Variants in TMEM59L observed in about 807,000 individuals in gnomAD.
TMEM59L encodes transmembrane protein 59 like.
Under a neutral mutation model 39.6 loss-of-function variants are expected in TMEM59L, and 31 were observed. That is an observed-to-expected ratio of 0.78 (90% CI 0.59 to 1.06). The LOEUF is 1.06. Ranked by LOEUF, TMEM59L falls within the 50% of genes least tolerant of loss-of-function variation. The pLI is 0.00. For synonymous variants in TMEM59L, 219 were observed against 202.9 expected, an observed-to-expected ratio of 1.08 and a Z score of -0.68; for missense variants, 441 against 451.3, an observed-to-expected ratio of 0.98 and a Z score of 0.21.
chr19:18,617,479 C>A (rs1391300282), intron 5 of TMEM59L: 1 of 466,302 alleles, frequency 2.1e-6, no homozygotes, highest in South Asian at 1.5e-5. Flanking sequence ...TCCCAGGGAT[C>A]CATGGTTCAC....
chr19:18,614,908 C>A (rs1306342550), intron 3 of TMEM59L, among the ~76,000 whole-genome samples: 1 of 152,238 alleles, frequency 6.6e-6, no homozygotes, highest in Non-Finnish European at 1.5e-5. Context: ...TTTTCCTCCA[C>A]CCCTTCCCAG....
chr19:18,619,544 C>A (rs1976470209), intron 7 of TMEM59L, among the ~76,000 whole-genome samples: 1 of 152,126 alleles, frequency 6.6e-6, no homozygotes, highest in Non-Finnish European at 1.5e-5. Flanking sequence ...GTGGCCCATG[C>A]CTGTAATCCC....
Position 18,620,442 on chromosome 19 carries a change from T to G in TMEM59L, c.935T>G (p.Met312Arg). 1 of 1,613,534 alleles carries G rather than the reference T, an allele frequency of 6.2e-7. No homozygotes were observed. The highest frequency in any genetic ancestry group is 1.1e-5 in the South Asian group (1 of 91,078). ...LTLEQHKGFM[M>R]EPDWPLYPPP... ...CTGGAGCAGCACAAGGGCTTCATGA[T>G]GGAGCCCGATTGGCCCCTGTACCCG... Residue 312 changes from methionine (M) to arginine (R), a missense_variant, in exon 8 of 8, where the codon ATG becomes AGG. Met to Arg is a moderately conservative substitution (Grantham distance 91, BLOSUM62 -1). Transcript: ENST00000262817.
Position 18,616,973 on chromosome 19 carries a change from C to G in TMEM59L, c.562-27C>G, listed in dbSNP as rs1165841347. Reference sequence around the variant, plus strand: ...CCAGGGGTGCTGTTCTCACAAGCCTCTCTGTGCTGTCTTGTTCCTGGCCCA... The same window carrying G: ...CCAGGGGTGCTGTTCTCACAAGCCTGTCTGTGCTGTCTTGTTCCTGGCCCA... On this transcript the variant is annotated intron_variant, in intron 4 of 7. Transcript: ENST00000262817. The G allele has an allele frequency of 5.1e-6, 8 of 1,561,852 alleles. No homozygotes were observed. In the Admixed American group the frequency reaches 1.0e-4, roughly 20 times the overall value.
rs11538360 is a variant in TMEM59L, at chr19:18,613,103, C to T, written c.145C>T (p.Arg49Cys). ...GAACTGCCAGCTGCGGTGCCGCGAC[C>T]GCGACCTCGGCCCGCAGCCCTCGCA... Reference protein sequence around the residue: ...TQNCQLRCRDRDLGPQPSQAG... With the variant: ...TQNCQLRCRDCDLGPQPSQAG... Residue 49 changes from arginine to cysteine, a missense_variant, in exon 1 of 8, where the codon CGC becomes TGC. Physicochemically the swap from Arg to Cys is radical, Grantham distance 180 (BLOSUM62 -3). Coordinates refer to ENST00000262817, the MANE Select transcript of TMEM59L (RefSeq NM_012109.3). 7.6e-7 allele frequency: 1 copy of T among 1,316,528 alleles called. No homozygotes were observed. Among genetic ancestry groups the T allele is most frequent in the Non-Finnish European group, 9.6e-7 (1 of 1,036,864 alleles). The allele number at this position is 1,316,528 out of a possible 1,614,324, so 81.6% of individuals were successfully genotyped here.
At chr19:18,619,080 C>T (rs1370786747) in intron 7 of TMEM59L, among the ~76,000 whole-genome samples, 1 of 152,136 alleles carries the variant, frequency 6.6e-6, no homozygotes, top group African/African-American at 2.4e-5. Flanking sequence ...CAGCCTCGGC[C>T]TCCCTGGCTC....
chr19:18,615,930 C>T (rs1471023774), intron 3 of TMEM59L, 45 bp from the exon 4 acceptor site: 2 of 1,600,422 alleles, frequency 1.2e-6, no homozygotes, highest in Non-Finnish European at 1.7e-6. Flanking sequence ...TTGGTTAATG[C>T]CCTATTTCGG....
At chr19:18,618,061 A>C in intron 5 of TMEM59L, 94 bp from the exon 6 acceptor site, 1 of 887,198 alleles carries the variant, frequency 1.1e-6, no homozygotes, top group Non-Finnish European at 1.9e-6. Flanking sequence ...CCAGGACTCT[A>C]TGCCCCAGGT....
Position 18,620,628 on chromosome 19 carries a change from C to T in TMEM59L, c.*92C>T. ...GAGTCCAAGGGCAGGGTGGGTCCAG[C>T]CTTGAGCCCCTCCACCCCCAAATCC... On this transcript the variant is annotated 3_prime_UTR_variant, in exon 8 of 8. Coordinates refer to ENST00000262817, the MANE Select transcript of TMEM59L (RefSeq NM_012109.3). 6.8e-7 allele frequency: 1 copy of T among 1,470,526 alleles called. No individual in the cohort carries two copies. Among genetic ancestry groups the T allele is most frequent in the Non-Finnish European group, 9.0e-7 (1 of 1,109,156 alleles). The allele number at this position is 1,470,526 out of a possible 1,614,324, so 91.1% of individuals were successfully genotyped here. A position where few individuals can be genotyped will look rare whatever the true frequency, so the allele number is the denominator to read the frequency against.
At chr19:18,618,337 G>C (rs113512162) in intron 6 of TMEM59L, 38 bp from the exon 7 acceptor site, 6 of 1,608,590 alleles carry the variant, frequency 3.7e-6, no homozygotes, top group Non-Finnish European at 5.1e-6. Context: ...CCCTGGTCCC[G>C]GCCTGGGCAG....
Position 18,613,178 on chromosome 19 carries a change from C to T in TMEM59L, c.171+49C>T, listed in dbSNP as rs1976389262. 4.8e-6 allele frequency: 6 copies of T among 1,250,430 alleles called. No homozygotes were observed. In the South Asian group the frequency reaches 2.0e-4, roughly 42 times the overall value. 77.5% of individuals were successfully genotyped at this position (1,250,430 alleles called of 1,614,324 possible). Reference sequence around the variant, plus strand: ...GCCAGCGGGGGACGCGGGATCTCTCCGAAGGAGGAGGCGTTGGGATGGGCT... The same window carrying T: ...GCCAGCGGGGGACGCGGGATCTCTCTGAAGGAGGAGGCGTTGGGATGGGCT... On this transcript the variant is annotated intron_variant, in intron 1 of 7. Transcript: ENST00000262817.
intron 3 of TMEM59L, among the ~76,000 whole-genome samples, 182 bp downstream of exon 3, chr19:18,614,377 C>T (rs1378136547): frequency 6.6e-6 from 1 of 152,230 alleles, no homozygotes; most frequent in African/African-American, 2.4e-5. Context: ...ACAACGCCCC[C>T]CATGCCCCAC....
chr19:18,615,877 G>A (rs1976421528), intron 3 of TMEM59L, 98 bp from the exon 4 acceptor site: 1 of 1,462,354 alleles, frequency 6.8e-7, no homozygotes, highest in Admixed American at 2.0e-5. Flanking sequence ...CAAAGTGTTG[G>A]GATTACAGGC....
rs755921782 is a variant in TMEM59L, at chr19:18,614,158, G to A, written c.371G>A (p.Cys124Tyr). Residue 124 changes from cysteine to tyrosine, a missense_variant, in exon 3 of 8, where the codon TGC becomes TAC. By Grantham distance (194) the Cys-to-Tyr change is radical. Transcript: ENST00000262817. ...EAEQQACSHG[C>Y]WSQPAEPEPE... is the part of the protein sequence containing the mutation. The stretch of plus-strand genomic sequence containing the variant: ...GAGCAGCAGGCCTGTAGCCACGGCT[G>A]CTGGAGCCAGCCCGCGGAGCCTGAG... The A allele has an allele frequency of 6.2e-7, 1 of 1,608,264 alleles. No homozygotes were observed. The highest frequency in any genetic ancestry group is 2.2e-5 in the East Asian group (1 of 44,762).
At position 18,614,115 on chromosome 19, in the gene TMEM59L, G is replaced by A; in HGVS notation, c.328G>A (p.Ala110Thr). 6.2e-7 allele frequency: 1 copy of A among 1,612,028 alleles called. No homozygotes were observed. The highest frequency in any genetic ancestry group is 8.5e-7 in the Non-Finnish European group (1 of 1,179,626). Reference protein sequence around the residue: ...QTECEAACVEAYVKEAEQQAC... With the variant: ...QTECEAACVETYVKEAEQQAC... Reference sequence around the variant, plus strand: ...CCCACCTCCCACAGCCTGCGTGGAAGCCTATGTGAAGGAGGCAGAGCAGCA... The same window carrying A: ...CCCACCTCCCACAGCCTGCGTGGAAACCTATGTGAAGGAGGCAGAGCAGCA... The change falls in exon 3 of 8, where the codon GCC becomes ACC. Residue 110 changes from alanine to threonine, a missense_variant. By Grantham distance (58) the Ala-to-Thr change is moderately conservative (BLOSUM62 0). Transcript: ENST00000262817.
At chr19:18,620,073 GA>G (rs1374634057) in intron 7 of TMEM59L, among the ~76,000 whole-genome samples, 1 of 151,658 alleles carries the variant, frequency 6.6e-6, no homozygotes, top group Non-Finnish European at 1.5e-5. Context: ...TTGGGAGGCT[GA>G]GGTGGGCAGA....
chr19:18,617,544 T>C (rs1448023366), intron 5 of TMEM59L: 1 of 458,978 alleles, frequency 2.2e-6, no homozygotes, highest in Non-Finnish European at 4.4e-6. Flanking sequence ...CTCCCAGGGT[T>C]CCATGGTTCA....
intron 3 of TMEM59L, among the ~76,000 whole-genome samples, chr19:18,614,750 C>CT (rs1208816229): frequency 4.6e-5 from 7 of 152,364 alleles, no homozygotes; most frequent in Admixed American, 3.3e-4. Context: ...CACGCACACA[C>CT]TGCCTTATGG....
At chr19:18,618,300 G>C (rs112872200) in intron 6 of TMEM59L, 28 bp downstream of exon 6, 16,931 of 578,850 alleles carry the variant, frequency 0.029, 1,535 homozygotes, top group African/African-American at 0.24. Flanking sequence ...GGGGGTGGGA[G>C]GGGGGTGGGA....
Sources: allele counts gnomAD v4.1 joint callset (sites outside exome capture counted in the v4.1 genomes callset), GRCh38; gene constraint gnomAD v4.1.1; transcripts MANE v1.5; gene names NCBI Gene and HGNC (gene_info 2026-07-23, HGNC 2026-07-21).